FOXP2: variants seen among roughly 807,000 people sequenced by gnomAD.
FOXP2 encodes forkhead box P2.
In FOXP2, 12 loss-of-function variants were observed where a neutral mutation model predicts 115.8. The observed-to-expected ratio is 0.10, with a 90% CI of 0.07 to 0.17. The LOEUF is 0.17. FOXP2 is among the 10% of genes least tolerant of loss of function. The pLI, the probability that FOXP2 is intolerant of heterozygous loss-of-function variation, is 1.00. For synonymous variants in FOXP2, 328 were observed against 297.7 expected, an observed-to-expected ratio of 1.10 and a Z score of -1.05; for missense variants, 629 against 843.5, an observed-to-expected ratio of 0.75 and a Z score of 3.15.
At chr7:114,143,316 A>C (rs1792277533) in intron 1 of FOXP2, among the ~76,000 whole-genome samples, 1 of 152,184 alleles carries the variant, frequency 6.6e-6, no homozygotes, top group South Asian at 2.1e-4. Flanking sequence ...AATTTATCAC[A>C]GTCATGTTAT....
chr7:114,371,013 T>C (rs1233764143), intron 2 of FOXP2, among the ~76,000 whole-genome samples: 1 of 152,186 alleles, frequency 6.6e-6, no homozygotes, highest in Non-Finnish European at 1.5e-5. Flanking sequence ...AAAATGTTCA[T>C]TAGATTACTG....
At chr7:114,266,960 G>C (rs1212950674) in intron 1 of FOXP2, among the ~76,000 whole-genome samples, 1 of 152,118 alleles carries the variant, frequency 6.6e-6, no homozygotes, top group Non-Finnish European at 1.5e-5. Flanking sequence ...AAACAAATTA[G>C]TGTTGTAATC....
At chr7:114,166,492 CAGG>C (rs751429192) in intron 1 of FOXP2, among the ~76,000 whole-genome samples, 2 of 152,096 alleles carry the variant, frequency 1.3e-5, no homozygotes, top group Non-Finnish European at 2.9e-5. Flanking sequence ...ATCACGAGGT[CAGG>C]AGATCAAGAC....
chr7:114,659,324 G>A (rs1404138964), intron 11 of FOXP2, 32 bp from the exon 12 acceptor site: 3 of 1,382,692 alleles, frequency 2.2e-6, no homozygotes, highest in African/African-American at 2.8e-5. Flanking sequence ...TGAATTATTA[G>A]CAGAATTAAC....
intron 2 of FOXP2, among the ~76,000 whole-genome samples, chr7:114,352,880 C>T (rs1288939905): frequency 6.6e-6 from 1 of 152,040 alleles, no homozygotes; most frequent in African/African-American, 2.4e-5. Flanking sequence ...TTACAGTGTT[C>T]TTCACAATAT....
At chr7:114,267,263 C>A (rs1192751625) in intron 1 of FOXP2, among the ~76,000 whole-genome samples, 1 of 152,110 alleles carries the variant, frequency 6.6e-6, no homozygotes, top group East Asian at 1.9e-4. Flanking sequence ...TTCTTTATTA[C>A]CTTTCCTAGA....
At chr7:114,644,651 G>C in intron 7 of FOXP2, 34 bp from the exon 8 acceptor site, 1 of 1,567,126 alleles carries the variant, frequency 6.4e-7, no homozygotes, top group African/African-American at 1.3e-5. Flanking sequence ...ATAGCTTTTT[G>C]AGATGAATCT....
chr7:114,304,306 T>G (rs1292619343), intron 2 of FOXP2, among the ~76,000 whole-genome samples: 1 of 151,964 alleles, frequency 6.6e-6, no homozygotes, highest in African/African-American at 2.4e-5. Flanking sequence ...CTCCTAGCAT[T>G]GAGCAATGCA....
intron 2 of FOXP2, among the ~76,000 whole-genome samples, chr7:114,291,212 C>T (rs1796580508): frequency 6.6e-6 from 1 of 152,116 alleles, no homozygotes; most frequent in Non-Finnish European, 1.5e-5. Flanking sequence ...AGGTTATAGA[C>T]TGCCATCTTC....
chr7:114,515,391 C>A (rs1407819444), intron 2 of FOXP2, among the ~76,000 whole-genome samples: 8 of 150,468 alleles, frequency 5.3e-5, no homozygotes, highest in Admixed American at 2.0e-4. Flanking sequence ...TGTTTCCTGA[C>A]TTTTTAATGA....
chr7:114,098,680 A>C (rs1014399070), intron 1 of FOXP2, among the ~76,000 whole-genome samples: 19 of 152,198 alleles, frequency 1.2e-4, no homozygotes, highest in African/African-American at 4.6e-4. Flanking sequence ...TGGAAGTCAC[A>C]CCAAAAGCTC....
At chr7:114,248,226 G>GAGAC (rs1795342213) in intron 1 of FOXP2, among the ~76,000 whole-genome samples, 1 of 151,890 alleles carries the variant, frequency 6.6e-6, no homozygotes, top group Admixed American at 6.6e-5. Flanking sequence ...GAGAGACAGA[G>GAGAC]AGAATTTTTT....
chr7:114,593,702 A>G (rs889417086), intron 3 of FOXP2, among the ~76,000 whole-genome samples: 1 of 152,006 alleles, frequency 6.6e-6, no homozygotes, highest in Admixed American at 6.6e-5. Flanking sequence ...CTGGTTTTCT[A>G]TAACACATCT....
At chr7:114,220,125 TC>T (rs1340355114) in intron 1 of FOXP2, among the ~76,000 whole-genome samples, 1 of 151,484 alleles carries the variant, frequency 6.6e-6, no homozygotes, top group Non-Finnish European at 1.5e-5. Context: ...TGCCTCAGCC[TC>T]CCAAAGTGCT....
chr7:114,405,241 A>G (rs1793005297), intron 2 of FOXP2, among the ~76,000 whole-genome samples: 1 of 151,912 alleles, frequency 6.6e-6, no homozygotes, highest in African/African-American at 2.4e-5. Flanking sequence ...ATTTGAACAG[A>G]TAATTTGGTA....
chr7:114,430,785 T>C (rs892390799), intron 2 of FOXP2, among the ~76,000 whole-genome samples: 2 of 151,898 alleles, frequency 1.3e-5, no homozygotes, highest in Non-Finnish European at 2.9e-5. Flanking sequence ...CTGATGCCAA[T>C]ATTTAATTTT....
Position 114,693,089 on chromosome 7 carries a change from G to A in FOXP2, c.*3163G>A. ...ACAAAGACACAATTGCTTAAACCTA[G>A]TGGGCTTAAGGCTTATATTCTATGT... is the stretch of plus-strand genomic sequence containing the variant. On this transcript the variant is annotated 3_prime_UTR_variant, in exon 17 of 17. Transcript: ENST00000350908. 1 of 453,884 alleles carries A rather than the reference G, an allele frequency of 2.2e-6. No individual in the cohort carries two copies. The highest frequency in any genetic ancestry group is 4.4e-6 in the Non-Finnish European group (1 of 226,664). The allele number at this position is 453,884 out of a possible 1,614,324, so 28.1% of individuals were successfully genotyped here.
chr7:114,650,932 T>G (rs912061920), intron 8 of FOXP2, among the ~76,000 whole-genome samples: 12 of 152,036 alleles, frequency 7.9e-5, no homozygotes, highest in Admixed American at 3.3e-4. Context: ...GGTTTCTGAT[T>G]GTTGAACCTA....
At chr7:114,177,454 A>G (rs1013954568) in intron 1 of FOXP2, among the ~76,000 whole-genome samples, 2 of 152,204 alleles carry the variant, frequency 1.3e-5, no homozygotes, top group African/African-American at 2.4e-5. Context: ...TAACTGCTCT[A>G]TAACATTCTA....
Sources: allele counts gnomAD v4.1 joint callset (sites outside exome capture counted in the v4.1 genomes callset), GRCh38; gene constraint gnomAD v4.1.1; transcripts MANE v1.5; gene names NCBI Gene and HGNC (gene_info 2026-07-23, HGNC 2026-07-21).